The following ZFP91 variants were observed in gnomAD, a reference collection of about 807,000 sequenced individuals.
ZFP91 encodes ZFP91 zinc finger protein, atypical E3 ubiquitin ligase.
Under a neutral mutation model 63.5 loss-of-function variants are expected in ZFP91, and 7 were observed. The ratio of observed to expected loss-of-function variants is 0.11; its 90% CI spans 0.06 to 0.21. The LOEUF is 0.21. Ranked by LOEUF, ZFP91 falls within the 10% of genes least tolerant of loss-of-function variation. ZFP91 has a pLI of 1.00. For synonymous variants in ZFP91, 330 were observed against 272.1 expected (o/e 1.21, Z -2.10); for missense variants, 628 against 736.6 (o/e 0.85, Z 1.71).
At chr11:58,580,357 A>C (rs572086148) in intron 1 of ZFP91, among the ~76,000 whole-genome samples, 1 of 152,250 alleles carries the variant, frequency 6.6e-6, no homozygotes, top group Non-Finnish European at 1.5e-5. Flanking sequence ...CCTAGACGTA[A>C]TAGAGGAAAC....
chr11:58,588,049 C>T (rs993106643), intron 2 of ZFP91, among the ~76,000 whole-genome samples: 4 of 152,006 alleles, frequency 2.6e-5, no homozygotes, highest in East Asian at 1.9e-4. Flanking sequence ...AATTTTGCAG[C>T]GATTACCTAA....
intron 2 of ZFP91, among the ~76,000 whole-genome samples, chr11:58,602,970 ACT>A (rs1259137830): frequency 1.3e-5 from 2 of 152,018 alleles, no homozygotes; most frequent in South Asian, 2.1e-4. Context: ...CAAGAGTGAA[ACT>A]CTGTCTCAAA....
intron 2 of ZFP91, among the ~76,000 whole-genome samples, chr11:58,589,186 C>A (rs1233382537): frequency 6.6e-6 from 1 of 151,418 alleles, no homozygotes; most frequent in African/African-American, 2.4e-5. Flanking sequence ...ATCCTCCTGC[C>A]TCAGCTTCCC....
chr11:58,617,877 T>A lies in ZFP91; in HGVS notation c.*171T>A. 1.2e-6 allele frequency: 1 copy of A among 827,320 alleles called. No homozygotes were observed. Among genetic ancestry groups the A allele is most frequent in the Non-Finnish European group, 1.6e-6 (1 of 608,754 alleles). 51.2% of individuals were successfully genotyped at this position (827,320 alleles called of 1,614,324 possible). ...ATACACCCTCCACCTCCCCATCCCC[T>A]GTTCTCCCTCTGTTGCTCCCCTTAT... On this transcript the variant is annotated 3_prime_UTR_variant, in exon 11 of 11. Coordinates refer to ENST00000316059, the MANE Select transcript of ZFP91 (RefSeq NM_053023.5). The surrounding 1 kb of genome is among the most constrained non-coding windows in gnomAD (Gnocchi z 4.2).
At position 58,579,206 on chromosome 11, in the gene ZFP91, C is replaced by T. The variant is rs923766286; in HGVS notation, c.-76C>T. ...CCGCAGGCTTCGGGAGGCGAGGGGG[C>T]GGGGGGAGCAGCGCCGAGGCCGCCG... is the stretch of plus-strand genomic sequence containing the variant. On this transcript the variant is annotated 5_prime_UTR_variant, in exon 1 of 11. Transcript: ENST00000316059. 4.5e-5 allele frequency: 49 copies of T among 1,093,716 alleles called. No individual in the cohort carries two copies. The African/African-American group carries it at 5.1e-4, about 11-fold the overall frequency. The allele number at this position is 1,093,716 out of a possible 1,614,324, so 67.8% of individuals were successfully genotyped here. A position where few individuals can be genotyped will look rare whatever the true frequency, so the allele number is the denominator to read the frequency against.
intron 2 of ZFP91, among the ~76,000 whole-genome samples, chr11:58,587,294 T>A (rs149362776): frequency 4.6e-5 from 7 of 152,296 alleles, no homozygotes; most frequent in Admixed American, 3.9e-4. Flanking sequence ...TGTCTGGCGC[T>A]ATTCTAGGCA....
At position 58,617,342 on chromosome 11, in the gene ZFP91, C is replaced by T. The variant is rs769592434; in HGVS notation, c.1349C>T (p.Ala450Val). The change falls in exon 11 of 11, where the codon GCA (alanine) becomes GTA (valine). Residue 450 changes from alanine (A) to valine (V), a missense_variant. Physicochemically the swap from Ala to Val is moderately conservative, Grantham distance 64. This residue lies in a region of ZFP91 where 76 missense variants were observed against 230.9 expected (regional missense o/e 0.33). Coordinates refer to ENST00000316059, the MANE Select transcript of ZFP91 (RefSeq NM_053023.5). The surrounding 1 kb of genome is among the most constrained non-coding windows in gnomAD (Gnocchi z 4.2). The part of the protein sequence containing the change: ...EKKDSVVAHK[A>V]KSHPEVLIAE... ...AAGGACAGCGTAGTGGCACACAAGG[C>T]AAAAAGCCACCCTGAGGTGCTGATT... is the stretch of plus-strand genomic sequence containing the variant. 6.2e-7 allele frequency: 1 copy of T among 1,613,778 alleles called. No homozygotes were observed. The highest frequency in any genetic ancestry group is 8.5e-7 in the Non-Finnish European group (1 of 1,179,884).
chr11:58,616,535 T>A (rs1855751377), intron 9 of ZFP91, among the ~76,000 whole-genome samples, 181 bp from the exon 10 acceptor site: 1 of 152,172 alleles, frequency 6.6e-6, no homozygotes. Context: ...CTACTGAATG[T>A]TGGATTTTTT....
chr11:58,601,570 C>CT (rs1555017105), intron 2 of ZFP91, among the ~76,000 whole-genome samples: 1 of 148,246 alleles, frequency 6.7e-6, no homozygotes, highest in Non-Finnish European at 1.5e-5. Flanking sequence ...TTTCCTAGCT[C>CT]TTATGGGTAT....
At chr11:58,585,036 C>A in intron 2 of ZFP91, 152 bp downstream of exon 2, 1 of 576,640 alleles carries the variant, frequency 1.7e-6, no homozygotes, top group Non-Finnish European at 2.8e-6. Context: ...GACGACAGCA[C>A]GTTTGGATAA....
At chr11:58,604,312 G>A (rs1033414598) in intron 2 of ZFP91, among the ~76,000 whole-genome samples, 3 of 152,148 alleles carry the variant, frequency 2.0e-5, no homozygotes, top group African/African-American at 4.8e-5. Context: ...AGGAAACACC[G>A]TGTGATGATG....
At chr11:58,601,449 T>C (rs1162987204) in intron 2 of ZFP91, among the ~76,000 whole-genome samples, 1 of 152,216 alleles carries the variant, frequency 6.6e-6, no homozygotes, top group Non-Finnish European at 1.5e-5. Context: ...TTTCTGGTTT[T>C]AGTAATTTGG....
At chr11:58,611,209 A>AAT (rs1013653318) in intron 5 of ZFP91, 155 bp downstream of exon 5, 1 of 568,780 alleles carries the variant, frequency 1.8e-6, no homozygotes, top group African/African-American at 1.9e-5. Flanking sequence ...CTAACACCTT[A>AAT]ATATACCCTG....
rs535496393 is a variant in ZFP91 at position 58,611,982 on chromosome 11, A to G, written c.857+244A>G. On this transcript the variant is annotated intron_variant, in intron 6 of 10. Transcript: ENST00000316059. ...TTTTTAATCTTAGTGTTTTTAGATG[A>G]TACATGGTAGCAACTCTAAAAGTAA... 4.7e-5 allele frequency: 25 copies of G among 534,696 alleles called. No individual in the cohort carries two copies. In the East Asian group the frequency reaches 5.4e-4, roughly 12 times the overall value. 33.1% of individuals were successfully genotyped at this position (534,696 alleles called of 1,614,324 possible).
At chr11:58,595,952 G>A (rs575436038) in intron 2 of ZFP91, among the ~76,000 whole-genome samples, 1 of 151,888 alleles carries the variant, frequency 6.6e-6, no homozygotes, top group Non-Finnish European at 1.5e-5. Context: ...ATGTACAGTT[G>A]GCCCTTGAAC....
rs1457428754 is a variant in ZFP91, at chr11:58,618,085, T to C, written c.*379T>C. On this transcript the variant is annotated 3_prime_UTR_variant, in exon 11 of 11. Transcript: ENST00000316059. ...CAGCTTTTAACTTTTAATCATATATTACTGTCTTCTAAATCCCTTCTCCTC... is the reference window on the plus strand; with the variant it reads ...CAGCTTTTAACTTTTAATCATATATCACTGTCTTCTAAATCCCTTCTCCTC... 5.9e-6 allele frequency: 1 copy of C among 168,250 alleles called. No individual in the cohort carries two copies. The highest frequency in any genetic ancestry group is 1.3e-5 in the Non-Finnish European group (1 of 79,258). 10.4% of individuals were successfully genotyped at this position (168,250 alleles called of 1,614,324 possible).
Position 58,611,628 on chromosome 11 carries a change from A to T in ZFP91, c.747A>T (p.Lys249Asn), listed in dbSNP as rs1356087296. Residue 249 changes from lysine to asparagine, a missense_variant, in exon 6 of 11, where the codon AAA becomes AAT. Physicochemically the swap from Lys to Asn is moderately conservative, Grantham distance 94. This residue lies in a region of ZFP91 where 437 missense variants were observed against 380.3 expected (regional missense o/e 1.15). Coordinates refer to ENST00000316059, the MANE Select transcript of ZFP91 (RefSeq NM_053023.5). The stretch of plus-strand genomic sequence containing the variant: ...GGGAAACCCCAAAGCCACGGAGAAA[A>T]TCAGGGAAGGTAAAAGAAGAGAAGG... ...LERETPKPRR[K>N]SGKVKEEKEK... 1 of 1,612,930 alleles carries T rather than the reference A, an allele frequency of 6.2e-7. No individual in the cohort carries two copies. The highest frequency in any genetic ancestry group is 2.2e-5 in the East Asian group (1 of 44,812).
intron 2 of ZFP91, among the ~76,000 whole-genome samples, chr11:58,608,538 T>C (rs1855605362): frequency 6.6e-6 from 1 of 152,030 alleles, no homozygotes; most frequent in Non-Finnish European, 1.5e-5. Context: ...ACATGAAAAA[T>C]GGTGTCATGC....
At position 58,579,612 on chromosome 11, in the gene ZFP91, C is replaced by A; in HGVS notation, c.331C>A (p.Pro111Thr). Reference protein sequence around the residue: ...SPSPVQGKKSPRLLCIEKVTT... With the variant: ...SPSPVQGKKSTRLLCIEKVTT... ...GTCTCCAGTTCAGGGCAAGAAGAGT[C>A]CGCGACTCCTGTGAGTAACAGTCTT... Residue 111 changes from proline (P) to threonine (T), a missense_variant, in exon 1 of 11, where the codon CCG becomes ACG. This residue lies in a region of ZFP91 where 437 missense variants were observed against 380.3 expected (regional missense o/e 1.15). Transcript: ENST00000316059. 4 of 1,571,342 alleles carry A rather than the reference C, an allele frequency of 2.5e-6. No individual in the cohort carries two copies. The highest frequency in any genetic ancestry group is 1.1e-5 in the South Asian group (1 of 87,636).
Sources: gnomAD v4.1 joint callset for allele counts (sites outside exome capture counted in the v4.1 genomes callset) on GRCh38, gnomAD v4.1.1 for gene constraint, gnomAD v4.1.1 regional missense constraint, Gnocchi (gnomAD v3.1) non-coding constraint, MANE v1.5 for transcripts, NCBI Gene and HGNC (gene_info 2026-07-23, HGNC 2026-07-21) for gene names.